The following SLC25A12 variants were observed in gnomAD, a reference collection of about 807,000 sequenced individuals.
SLC25A12 encodes the protein solute carrier family 25 member 12.
SLC25A12 carries 32 observed loss-of-function variants against 83.3 expected under a neutral mutation model. The observed-to-expected ratio is 0.38, with a 90% CI of 0.29 to 0.52. SLC25A12 has a LOEUF of 0.52. Among genes scored for constraint, SLC25A12 ranks in the 20% least tolerant of loss-of-function variants. SLC25A12 has a pLI of 0.84. For missense variants in SLC25A12, 611 were observed against 835.6 expected, an observed-to-expected ratio of 0.73 and a Z score of 3.31; for synonymous variants, 267 against 291.1, an observed-to-expected ratio of 0.92 and a Z score of 0.84.
At chr2:171,830,748 C>A (rs1029570356) in intron 8 of SLC25A12, among the ~76,000 whole-genome samples, 1 of 152,198 alleles carries the variant, frequency 6.6e-6, no homozygotes, top group African/African-American at 2.4e-5. Context: ...CTCCTGACCT[C>A]ATGATCCGCC....
chr2:171,812,149 A>G (rs1201526893), intron 11 of SLC25A12, among the ~76,000 whole-genome samples: 1 of 152,224 alleles, frequency 6.6e-6, no homozygotes, highest in Admixed American at 6.5e-5. Context: ...AGAGCAGGGT[A>G]CTTGAGCCTA....
At chr2:171,878,962 C>A (rs996358218) in intron 2 of SLC25A12, among the ~76,000 whole-genome samples, 4 of 152,292 alleles carry the variant, frequency 2.6e-5, no homozygotes, top group African/African-American at 9.6e-5. Context: ...AAGACCACAG[C>A]AGATCTGACA....
intron 2 of SLC25A12, among the ~76,000 whole-genome samples, chr2:171,888,582 C>T (rs1685872481): frequency 6.6e-6 from 1 of 152,012 alleles, no homozygotes; most frequent in South Asian, 2.1e-4. Context: ...GCTGAGATTA[C>T]AGGCGTGCGC....
intron 15 of SLC25A12, among the ~76,000 whole-genome samples, 200 bp downstream of exon 15, chr2:171,791,251 A>C (rs1184060950): frequency 6.6e-6 from 1 of 152,242 alleles, no homozygotes; most frequent in African/African-American, 2.4e-5. Context: ...AGCTGCATTA[A>C]GCTGTTTATC....
chr2:171,849,209 A>G (rs1461386854), intron 4 of SLC25A12, among the ~76,000 whole-genome samples: 1 of 152,022 alleles, frequency 6.6e-6, no homozygotes, highest in African/African-American at 2.4e-5. Flanking sequence ...AAATAAATAC[A>G]TACATACATA....
intron 8 of SLC25A12, among the ~76,000 whole-genome samples, chr2:171,833,697 C>T (rs149492026): frequency 9.9e-4 from 150 of 152,096 alleles, no homozygotes; most frequent in Middle Eastern, 3.4e-3. Context: ...GCCTTCTCTT[C>T]CCTCCCCTTT....
At chr2:171,839,478 G>T (rs762409000) in intron 5 of SLC25A12, among the ~76,000 whole-genome samples, 3 of 152,194 alleles carry the variant, frequency 2.0e-5, no homozygotes, top group Non-Finnish European at 2.9e-5. Flanking sequence ...CTATGCCCTT[G>T]AAAATGCATT....
intron 4 of SLC25A12, chr2:171,848,073 C>T (rs1213175039): frequency 2.4e-6 from 1 of 419,586 alleles, no homozygotes; most frequent in Non-Finnish European, 5.0e-6. Flanking sequence ...TCCCCAGAAA[C>T]CCATACTGTG....
chr2:171,857,130 C>T (rs536216302), intron 3 of SLC25A12, among the ~76,000 whole-genome samples: 9 of 152,190 alleles, frequency 5.9e-5, no homozygotes, highest in Non-Finnish European at 1.2e-4. Flanking sequence ...CTTTGGGAGG[C>T]TGAGGCAGGA....
intron 4 of SLC25A12, among the ~76,000 whole-genome samples, chr2:171,849,178 A>C (rs562532519): frequency 1.3e-5 from 2 of 152,112 alleles, no homozygotes; most frequent in Non-Finnish European, 2.9e-5. Context: ...CGACACAGCA[A>C]GACCGTGTCT....
At chr2:171,815,618 G>A (rs1174007080) in intron 9 of SLC25A12, among the ~76,000 whole-genome samples, 2 of 152,042 alleles carry the variant, frequency 1.3e-5, no homozygotes, top group Admixed American at 1.3e-4. Context: ...TTTCTAAAGT[G>A]TATAAAAATT....
intron 4 of SLC25A12, among the ~76,000 whole-genome samples, chr2:171,847,379 C>A (rs1684820347): frequency 6.6e-6 from 1 of 152,204 alleles, no homozygotes; most frequent in African/African-American, 2.4e-5. Context: ...TATATAAAAG[C>A]TCCAGAACTG....
At chr2:171,873,378 G>A (rs1191796049) in intron 2 of SLC25A12, among the ~76,000 whole-genome samples, 1 of 152,156 alleles carries the variant, frequency 6.6e-6, no homozygotes, top group Non-Finnish European at 1.5e-5. Context: ...AACCTGGGAG[G>A]CGGAGGTTGC....
intron 2 of SLC25A12, among the ~76,000 whole-genome samples, chr2:171,891,914 A>G (rs1164549065): frequency 6.6e-6 from 1 of 152,228 alleles, no homozygotes; most frequent in Non-Finnish European, 1.5e-5. Context: ...AACTACACAT[A>G]TGTATGCTCA....
intron 1 of SLC25A12, among the ~76,000 whole-genome samples, chr2:171,893,751 C>T (rs905053339): frequency 6.6e-6 from 1 of 152,164 alleles, no homozygotes; most frequent in Non-Finnish European, 1.5e-5. Context: ...ACTTTCCATA[C>T]CCTGCAATCT....
At chr2:171,885,176 C>CAAAA (rs11458998) in intron 2 of SLC25A12, among the ~76,000 whole-genome samples, 1 of 120,442 alleles carries the variant, frequency 8.3e-6, no homozygotes. Flanking sequence ...GACTCCGTCT[C>CAAAA]AAAAAAAAAA....
At chr2:171,836,832 A>C (rs1684566875) in intron 6 of SLC25A12, among the ~76,000 whole-genome samples, 1 of 152,152 alleles carries the variant, frequency 6.6e-6, no homozygotes. Context: ...GGAAATAAAC[A>C]ATTTGGAAAT....
rs915160964 is a variant in SLC25A12 at position 171,783,927 on chromosome 2, C to T, written c.*1347G>A. 2.0e-5 allele frequency among the ~76,000 whole-genome samples: 3 copies of T among 152,170 alleles called. No homozygotes were observed. Among genetic ancestry groups the T allele is most frequent in the East Asian group, 1.9e-4 (1 of 5,198 alleles). The stretch of plus-strand genomic sequence containing the variant: ...AAGTAACTTGGTCTGTCTCCAGGCT[C>T]GCCTCTTGAAAATATTTGCATACAT... On this transcript the variant is annotated 3_prime_UTR_variant, in exon 18 of 18. Transcript: ENST00000422440.
chr2:171,811,525 G>A (rs1306449284), intron 11 of SLC25A12, among the ~76,000 whole-genome samples: 2 of 152,156 alleles, frequency 1.3e-5, no homozygotes, highest in Non-Finnish European at 2.9e-5. Context: ...TGTTGCCTGC[G>A]AAGAAATTTA....
Sources: allele counts gnomAD v4.1 joint callset (sites outside exome capture counted in the v4.1 genomes callset), GRCh38; gene constraint gnomAD v4.1.1; transcripts MANE v1.5; gene names NCBI Gene and HGNC (gene_info 2026-07-23, HGNC 2026-07-21).